The following LRRK1 variants were observed in gnomAD, a reference collection of about 807,000 sequenced individuals.
The protein encoded by LRRK1 is leucine-rich repeat serine/threonine-protein kinase 1.
Under a neutral mutation model 209.1 loss-of-function variants are expected in LRRK1, and 113 were observed. The observed-to-expected ratio is 0.54, with a 90% CI of 0.46 to 0.63. The LOEUF (loss-of-function observed/expected upper bound fraction) is 0.63. Among genes scored for constraint, LRRK1 ranks in the 30% least tolerant of loss-of-function variants. The probability of loss-of-function intolerance (pLI) is 0.00; values close to 1 mark genes in which losing one functional copy is unlikely to be tolerated. For missense variants in LRRK1, 2,284 were observed against 2,632.2 expected (o/e 0.87, Z 2.89); for synonymous variants, 1,144 against 1,099.7 (o/e 1.04, Z -0.80).
intron 6 of LRRK1, among the ~76,000 whole-genome samples, chr15:100,997,897 C>T (rs998115287): frequency 6.6e-6 from 1 of 152,204 alleles, no homozygotes; most frequent in Non-Finnish European, 1.5e-5. Context: ...ACCAACATGT[C>T]TGCTGGGTGC....
rs865873685 is a variant in LRRK1, at chr15:100,973,197, T to G, written c.98-607T>G. On this transcript the variant is annotated intron_variant, in intron 2 of 33. Transcript: ENST00000388948. Reference sequence around the variant, plus strand: ...CGCAAGGCTGGCCTCTCCTCCCGAGTGGCAGCAGGTGCTCGGATGACCGGG... The same window carrying G: ...CGCAAGGCTGGCCTCTCCTCCCGAGGGGCAGCAGGTGCTCGGATGACCGGG... 3.9e-5 allele frequency among the ~76,000 whole-genome samples: 6 copies of G among 152,040 alleles called. No homozygotes were observed. In the South Asian group the frequency reaches 1.2e-3, roughly 32 times the overall value.
At chr15:101,020,319 GCA>G (rs1004531158) in intron 12 of LRRK1, among the ~76,000 whole-genome samples, 17 of 150,656 alleles carry the variant, frequency 1.1e-4, no homozygotes, top group Non-Finnish European at 1.8e-4. Context: ...ATGCATGTGT[GCA>G]CACATTTTCT....
intron 6 of LRRK1, among the ~76,000 whole-genome samples, chr15:101,000,702 C>T (rs1157469371): frequency 6.6e-6 from 1 of 152,226 alleles, no homozygotes; most frequent in East Asian, 1.9e-4. Flanking sequence ...ACATCGTCTT[C>T]CCGTTGTCTG....
At position 101,065,662 on chromosome 15, in the gene LRRK1, G is replaced by A. The variant is rs1228022677; in HGVS notation, c.5225G>A (p.Ser1742Asn). 1 of 1,614,170 alleles carries A rather than the reference G, an allele frequency of 6.2e-7. No homozygotes were observed. Among genetic ancestry groups the A allele is most frequent in the East Asian group, 2.2e-5 (1 of 44,890 alleles). Residue 1742 changes from serine to asparagine, a missense_variant, in exon 32 of 34, where the codon AGC becomes AAC. Around this residue, in one of 6 missense-constraint regions of LRRK1, gnomAD observed 643 missense variants for 695.9 expected, o/e 0.92. Coordinates refer to ENST00000388948, the MANE Select transcript of LRRK1 (RefSeq NM_024652.6). ...TCCATGGTTACGTCAGTCGTGTGCAGCTCTGAGGGCAGAGGGGAGGAGGTC... is the reference window on the plus strand; with the variant it reads ...TCCATGGTTACGTCAGTCGTGTGCAACTCTGAGGGCAGAGGGGAGGAGGTC... ...APSMVTSVVC[S>N]SEGRGEEVVW...
At chr15:100,994,779 C>A in intron 6 of LRRK1, among the ~76,000 whole-genome samples, 1 of 152,108 alleles carries the variant, frequency 6.6e-6, no homozygotes, top group East Asian at 1.9e-4. Context: ...AGTGGGTGTG[C>A]CTGGCTGCCC....
intron 2 of LRRK1, among the ~76,000 whole-genome samples, chr15:100,962,818 T>TACACATATATATATATAC (rs1596204775): frequency 3.0e-4 from 10 of 33,336 alleles, no homozygotes; most frequent in South Asian, 1.1e-3. Flanking sequence ...TATATATATA[T>TACACATATATATATATAC]ATATATTTTT....
In LRRK1 at chr15:101,073,408, C is replaced by T. The variant is rs1361530317; in HGVS notation, c.*4560C>T. ...ACCCTTAGCGGCAAGTCCCGCTTTT[C>T]TGGGGAATGGGCAAGGACCCCAACC... On this transcript the variant is annotated 3_prime_UTR_variant, in exon 34 of 34. Coordinates refer to ENST00000388948, the MANE Select transcript of LRRK1 (RefSeq NM_024652.6). The T allele has an allele frequency of 6.6e-6, 1 of 152,262 alleles. No individual in the cohort carries two copies. Among genetic ancestry groups the T allele is most frequent in the Non-Finnish European group, 1.5e-5 (1 of 68,084 alleles). The allele number at this position is 152,262 out of a possible 1,614,324, so 9.4% of individuals were successfully genotyped here. A position where few individuals can be genotyped will look rare whatever the true frequency, so the allele number is the denominator to read the frequency against.
At chr15:100,984,680 G>T (rs548087430) in intron 4 of LRRK1, among the ~76,000 whole-genome samples, 2 of 152,108 alleles carry the variant, frequency 1.3e-5, no homozygotes, top group Non-Finnish European at 2.9e-5. Flanking sequence ...TTTAATGGCT[G>T]AATAATATTC....
rs59631281 is a variant in LRRK1 at position 100,972,937 on chromosome 15, C to CA, written c.98-867_98-866insA. Among the ~76,000 whole-genome samples the CA allele has an allele frequency of 7.7e-3, 1,166 of 151,246 alleles. 18 individuals carry two copies. Among genetic ancestry groups the CA allele is most frequent in the African/African-American group, 0.027 (1,119 of 41,230 alleles). On this transcript the variant is annotated intron_variant, in intron 2 of 33. Coordinates refer to ENST00000388948, the MANE Select transcript of LRRK1 (RefSeq NM_024652.6). ...AACTGTACACACACACACACACACA[C>CA]CCAGTTTTGTGTACAATTTTAGGGT...
At chr15:100,973,118 C>G (rs2031036428) in intron 2 of LRRK1, among the ~76,000 whole-genome samples, 1 of 152,208 alleles carries the variant, frequency 6.6e-6, no homozygotes, top group Non-Finnish European at 1.5e-5. Context: ...CGTGGCCGCC[C>G]CGTGAGTGAC....
rs145830032 is a variant in LRRK1 at position 100,942,998 on chromosome 15, T to C, written c.97+18269T>C. ...CCTTTTCAACAAGTTTGGAAGGTGC[T>C]TTTTTCCCGGTTTTCACAGAGTAAC... On this transcript the variant is annotated intron_variant, in intron 2 of 33. Coordinates refer to ENST00000388948, the MANE Select transcript of LRRK1 (RefSeq NM_024652.6). 3.0e-3 allele frequency among the ~76,000 whole-genome samples: 462 copies of C among 152,314 alleles called. 3 individuals carry two copies. Among genetic ancestry groups the C allele is most frequent in the African/African-American group, 0.01 (433 of 41,564 alleles).
intron 6 of LRRK1, among the ~76,000 whole-genome samples, chr15:100,995,991 G>C (rs966872249): frequency 6.6e-6 from 1 of 152,232 alleles, no homozygotes; most frequent in Non-Finnish European, 1.5e-5. Flanking sequence ...TGCCCTGAGC[G>C]CAAGCAGCCC....
At chr15:101,055,409 G>A (rs2035740349) in intron 27 of LRRK1, among the ~76,000 whole-genome samples, 186 bp downstream of exon 27, 2 of 152,160 alleles carry the variant, frequency 1.3e-5, no homozygotes, top group South Asian at 2.1e-4. Flanking sequence ...GCCTGTGTCT[G>A]TCTGCTTGTA....
chr15:101,010,960 C>G (rs1009635828), intron 9 of LRRK1, 123 bp downstream of exon 9: 8 of 787,542 alleles, frequency 1.0e-5, no homozygotes, highest in South Asian at 7.4e-5. Flanking sequence ...TAGAAGGGCC[C>G]GGTTCCCACA....
intron 19 of LRRK1, among the ~76,000 whole-genome samples, chr15:101,028,401 C>G (rs948810564): frequency 6.6e-6 from 1 of 152,236 alleles, no homozygotes; most frequent in Non-Finnish European, 1.5e-5. Context: ...ACATCGCAGC[C>G]TTCTCACGCT....
intron 33 of LRRK1, 39 bp from the exon 34 acceptor site, chr15:101,068,632 A>G (rs2141168602): frequency 6.5e-7 from 1 of 1,528,184 alleles, no homozygotes; most frequent in Non-Finnish European, 8.8e-7. Flanking sequence ...CCCGAGTGGG[A>G]ACCCCTGTGA....
At chr15:100,941,466 G>GTGTGTGTCTGTGTGTGTCTA (rs1567191251) in intron 2 of LRRK1, among the ~76,000 whole-genome samples, 1 of 108,454 alleles carries the variant, frequency 9.2e-6, no homozygotes, top group African/African-American at 4.2e-5. Context: ...CTATGTCTCT[G>GTGTGTGTCTGTGTGTGTCTA]TGTGTGTGTG....
intron 3 of LRRK1, among the ~76,000 whole-genome samples, chr15:100,983,292 G>T (rs896272638): frequency 6.6e-6 from 1 of 152,182 alleles, no homozygotes; most frequent in Non-Finnish European, 1.5e-5. Context: ...TTATTGATGA[G>T]CTAGCTTACC....
At position 101,024,999 on chromosome 15, in the gene LRRK1, C is replaced by T; in HGVS notation, c.2232+32C>T. The T allele has an allele frequency of 6.2e-7, 1 of 1,602,752 alleles. No individual in the cohort carries two copies. The highest frequency in any genetic ancestry group is 8.5e-7 in the Non-Finnish European group (1 of 1,174,282). On this transcript the variant is annotated intron_variant, in intron 16 of 33. Transcript: ENST00000388948. The surrounding 1 kb of genome is among the most constrained non-coding windows in gnomAD (Gnocchi z 4.6). ...ACACCAGACGCCAGCCCTGCCATTT[C>T]AGTGCCCAGAGCTTTGCAGGTCCCA...
Sources: allele counts gnomAD v4.1 joint callset (sites outside exome capture counted in the v4.1 genomes callset), GRCh38; gene constraint gnomAD v4.1.1; regional missense constraint gnomAD v4.1.1; non-coding constraint Gnocchi (gnomAD v3.1); transcripts MANE v1.5; gene names NCBI Gene and HGNC (gene_info 2026-07-23, HGNC 2026-07-21).